Variants in HSP90B1 observed in about 807,000 individuals in gnomAD.
HSP90B1 encodes heat shock protein 90 beta family member 1.
A neutral mutation model predicts 100.4 loss-of-function variants in HSP90B1; 27 were observed. The ratio of observed to expected loss-of-function variants is 0.27; its 90% confidence interval spans 0.20 to 0.37. HSP90B1 has a LOEUF of 0.37. HSP90B1 is among the 10% of genes least tolerant of loss of function. HSP90B1 has a pLI of 1.00. For missense variants in HSP90B1, 678 were observed against 960.5 expected (o/e 0.71, Z 3.89); for synonymous variants, 304 against 330.8 (o/e 0.92, Z 0.88).
At position 103,943,310 on chromosome 12, in the gene HSP90B1, T is replaced by C; in HGVS notation, c.1881T>C (p.Leu627=). 1 of 1,613,874 alleles carries C rather than the reference T, an allele frequency of 6.2e-7. No homozygotes were observed. Among genetic ancestry groups the C allele is most frequent in the Non-Finnish European group, 8.5e-7 (1 of 1,179,796 alleles). ...TGAATTGGATGAAAGATAAAGCCCT[T>C]AAGGACAAGGTACTGTGGAAATTAC... ...PLLNWMKDKA[L]KDKIEKAVVS... is the part of the protein sequence containing the mutation. The change falls in exon 13 of 18, where the codon CTT becomes CTC. Residue 627 remains leucine, a synonymous_variant. Transcript: ENST00000299767. This position sits in a 1 kb window ranked among gnomAD's most constrained non-coding sequence, Gnocchi z 5.3.
chr12:103,941,302 T>G (rs969505835), intron 8 of HSP90B1, 108 bp from the exon 9 acceptor site: 2 of 1,144,824 alleles, frequency 1.7e-6, no homozygotes, highest in African/African-American at 3.1e-5. Context: ...GGAAAATTTT[T>G]TGTTAGTTAA....
At chr12:103,931,658 G>A in intron 2 of HSP90B1, 35 bp downstream of exon 2, 1 of 1,466,604 alleles carries the variant, frequency 6.8e-7, no homozygotes, top group Non-Finnish European at 9.5e-7. Flanking sequence ...ATACAGATAA[G>A]CCGTGTGAAC....
chr12:103,930,888 C>A lies in HSP90B1; in HGVS notation c.49+324C>A, dbSNP rs2136211691. ...CCCTCCCCCCTCCCCGCCCGGAGGA[C>A]TTTTTCGGCCACCGCAACCTTCGGC... On this transcript the variant is annotated intron_variant, in intron 1 of 17. Transcript: ENST00000299767. The surrounding 1 kb of genome is among the most constrained non-coding windows in gnomAD (Gnocchi z 4.4). Among the ~76,000 whole-genome samples the A allele has an allele frequency of 6.8e-6, 1 of 147,748 alleles. No individual in the cohort carries two copies.
At chr12:103,940,991 T>C (rs1320660137) in intron 8 of HSP90B1, among the ~76,000 whole-genome samples, 1 of 152,322 alleles carries the variant, frequency 6.6e-6, no homozygotes, top group East Asian at 1.9e-4. Context: ...CTCTTAGAGC[T>C]AAGTTCCATG....
Position 103,943,398 on chromosome 12 carries a change from C to A in HSP90B1, c.1890+79C>A. ...GTTATTTTGTGAACAAATTAAGCTG[C>A]AGCTGGTTACTTTGTAACCATTAGA... On this transcript the variant is annotated intron_variant, in intron 13 of 17. Transcript: ENST00000299767. The surrounding 1 kb of genome is among the most constrained non-coding windows in gnomAD (Gnocchi z 5.3). The A allele has an allele frequency of 7.4e-7, 1 of 1,344,356 alleles. No individual in the cohort carries two copies. Among genetic ancestry groups the A allele is most frequent in the Non-Finnish European group, 1.1e-6 (1 of 950,442 alleles). The allele number at this position is 1,344,356 out of a possible 1,614,324, so 83.3% of individuals were successfully genotyped here.
At chr12:103,937,029 C>T (rs1462884625) in intron 5 of HSP90B1, among the ~76,000 whole-genome samples, 1 of 152,102 alleles carries the variant, frequency 6.6e-6, no homozygotes, top group South Asian at 2.1e-4. Context: ...GGTTCTAGGC[C>T]GGGCACAGTG....
intron 6 of HSP90B1, 77 bp downstream of exon 6, chr12:103,937,883 G>A: frequency 1.3e-6 from 1 of 753,472 alleles, no homozygotes; most frequent in Non-Finnish European, 2.2e-6. Flanking sequence ...AAGAATGAAG[G>A]CAGGCCGGCG....
Position 103,946,914 on chromosome 12 carries a change from C to G in HSP90B1, c.2235C>G (p.Leu745=). The change falls in exon 16 of 18, where the codon CTC becomes CTG. Residue 745 remains leucine, a synonymous_variant. Coordinates refer to ENST00000299767, the MANE Select transcript of HSP90B1 (RefSeq NM_003299.3). The part of the protein sequence containing the change: ...YGDRIERMLR[L]SLNIDPDAKV... ...ATAGAATAGAAAGAATGCTTCGCCT[C>G]AGTTTGAACATTGACCCTGATGCAA... 1 of 1,613,846 alleles carries G rather than the reference C, an allele frequency of 6.2e-7. No individual in the cohort carries two copies. The highest frequency in any genetic ancestry group is 8.5e-7 in the Non-Finnish European group (1 of 1,179,940).
chr12:103,932,332 A>C lies in HSP90B1; in HGVS notation c.208A>C (p.Arg70=), dbSNP rs370161871. Residue 70 remains arginine (R), a synonymous_variant, in exon 3 of 18, where the codon AGA becomes CGA. Coordinates refer to ENST00000299767, the MANE Select transcript of HSP90B1 (RefSeq NM_003299.3). The part of the protein sequence containing the change: ...GLNASQIREL[R]EKSEKFAFQA... ...AAATGCATCACAAATAAGAGAACTTAGAGAGAAGTCGGAAAAGTTTGCCTT... is the reference window on the plus strand; with the variant it reads ...AAATGCATCACAAATAAGAGAACTTCGAGAGAAGTCGGAAAAGTTTGCCTT... 7 of 1,612,880 alleles carry C rather than the reference A, an allele frequency of 4.3e-6. No individual in the cohort carries two copies. Among genetic ancestry groups the C allele is most frequent in the Non-Finnish European group, 5.9e-6 (7 of 1,179,156 alleles).
chr12:103,936,147 T>C (rs1156783847), intron 5 of HSP90B1, among the ~76,000 whole-genome samples: 2 of 152,228 alleles, frequency 1.3e-5, no homozygotes, highest in Non-Finnish European at 2.9e-5. Context: ...AGGTTCCATC[T>C]CTAGTTCTCA....
chr12:103,943,625 C>A lies in HSP90B1; in HGVS notation c.1891-113C>A, dbSNP rs1049816548. On this transcript the variant is annotated intron_variant, in intron 13 of 17. Coordinates refer to ENST00000299767, the MANE Select transcript of HSP90B1 (RefSeq NM_003299.3). The surrounding 1 kb of genome is among the most constrained non-coding windows in gnomAD (Gnocchi z 5.3). ...ACCTTAAGAAAAGCTATTTTTATGA[C>A]CTGCTTCTGTGTTTATGATCTTAAG... is the stretch of plus-strand genomic sequence containing the variant. The A allele has an allele frequency of 9.2e-6, 10 of 1,088,540 alleles. No homozygotes were observed. Among genetic ancestry groups the A allele is most frequent in the Middle Eastern group, 3.1e-4 (1 of 3,212 alleles). 67.4% of individuals were successfully genotyped at this position (1,088,540 alleles called of 1,614,324 possible).
Position 103,930,435 on chromosome 12 carries a change from T to A in HSP90B1, c.-81T>A. On this transcript the variant is annotated 5_prime_UTR_variant, in exon 1 of 18. Transcript: ENST00000299767. This position sits in a 1 kb window ranked among gnomAD's most constrained non-coding sequence, Gnocchi z 4.4. Reference sequence around the variant, plus strand: ...AGTGGGCGGACCGCGCGGCTGGAGGTGTGAGGATCCGAACCCAGGGGTGGG... The same window carrying A: ...AGTGGGCGGACCGCGCGGCTGGAGGAGTGAGGATCCGAACCCAGGGGTGGG... The A allele has an allele frequency of 6.0e-6, 8 of 1,329,408 alleles. No individual in the cohort carries two copies. Among genetic ancestry groups the A allele is most frequent in the Non-Finnish European group, 7.2e-6 (7 of 972,516 alleles). The allele number at this position is 1,329,408 out of a possible 1,614,324, so 82.4% of individuals were successfully genotyped here. A position where few individuals can be genotyped will look rare whatever the true frequency, so the allele number is the denominator to read the frequency against.
intron 8 of HSP90B1, among the ~76,000 whole-genome samples, chr12:103,940,204 A>G (rs943244042): frequency 6.6e-6 from 1 of 151,728 alleles, no homozygotes; most frequent in Admixed American, 6.6e-5. Flanking sequence ...CCACCACAAA[A>G]CCCGTAAAAC....
At chr12:103,935,763 C>A (rs3794240) in intron 5 of HSP90B1, among the ~76,000 whole-genome samples, 34,017 of 152,152 alleles carry the variant, frequency 0.22, 3,843 homozygotes, top group East Asian at 0.32. Context: ...AAGGATAGGG[C>A]AATCATTCCC....
chr12:103,947,757 C>T lies in HSP90B1; in HGVS notation c.*95C>T. Reference sequence around the variant, plus strand: ...AGACTTGTTTTGGATGCCCCCTAATCCCCTTCTCCCCTGCACTGTAAAATG... The same window carrying T: ...AGACTTGTTTTGGATGCCCCCTAATTCCCTTCTCCCCTGCACTGTAAAATG... On this transcript the variant is annotated 3_prime_UTR_variant, in exon 18 of 18. Transcript: ENST00000299767. 4 of 1,011,776 alleles carry T rather than the reference C, an allele frequency of 4.0e-6. No homozygotes were observed. The highest frequency in any genetic ancestry group is 6.3e-6 in the Non-Finnish European group (4 of 632,728). The allele number at this position is 1,011,776 out of a possible 1,614,324, so 62.7% of individuals were successfully genotyped here.
At chr12:103,940,533 A>G (rs1214411487) in intron 8 of HSP90B1, among the ~76,000 whole-genome samples, 1 of 152,146 alleles carries the variant, frequency 6.6e-6, no homozygotes, top group African/African-American at 2.4e-5. Flanking sequence ...TCTATTCCAT[A>G]TCCTTTAAAT....
intron 4 of HSP90B1, 37 bp from the exon 5 acceptor site, chr12:103,933,919 A>G (rs1051664622): frequency 1.3e-6 from 2 of 1,531,384 alleles, no homozygotes; most frequent in Admixed American, 1.8e-5. Flanking sequence ...TAATGTAAAT[A>G]TTAAATACAA....
intron 8 of HSP90B1, 85 bp from the exon 9 acceptor site, chr12:103,941,325 A>C: frequency 7.3e-7 from 1 of 1,367,802 alleles, no homozygotes; most frequent in East Asian, 2.3e-5. Context: ...GCTAAACTGA[A>C]TATGTACCAC....
intron 1 of HSP90B1, among the ~76,000 whole-genome samples, chr12:103,931,220 G>A (rs549319450): frequency 9.7e-4 from 148 of 152,322 alleles, no homozygotes; most frequent in Admixed American, 2.5e-3. Flanking sequence ...CGCGCAACAC[G>A]TGTGGGTGTA....
Sources: gnomAD v4.1 joint callset for allele counts (sites outside exome capture counted in the v4.1 genomes callset) on GRCh38, gnomAD v4.1.1 for gene constraint, Gnocchi (gnomAD v3.1) non-coding constraint, MANE v1.5 for transcripts, NCBI Gene and HGNC (gene_info 2026-07-23, HGNC 2026-07-21) for gene names.